The following IQGAP2 variants were observed in gnomAD, a reference collection of about 807,000 sequenced individuals.
IQGAP2 encodes the protein ras GTPase-activating-like protein IQGAP2.
IQGAP2 carries 173 observed loss-of-function variants against 201.3 expected under a neutral mutation model. The observed-to-expected ratio is 0.86, with a 90% CI of 0.76 to 0.98. The LOEUF (loss-of-function observed/expected upper bound fraction) is 0.98. Among genes scored for constraint, IQGAP2 ranks in the 50% least tolerant of loss-of-function variants. IQGAP2 has a pLI of 0.00. For missense variants in IQGAP2, 1,687 were observed against 1,864.8 expected (o/e 0.90, Z 1.76); for synonymous variants, 675 against 673.9 (o/e 1.00, Z -0.03).
chr5:76,476,639 T>C (rs1256488682), intron 2 of IQGAP2, among the ~76,000 whole-genome samples: 1 of 152,094 alleles, frequency 6.6e-6, no homozygotes, highest in African/African-American at 2.4e-5. Flanking sequence ...CAGATGACTT[T>C]ATATGAGTTC....
At chr5:76,566,905 T>C (rs964363470) in intron 3 of IQGAP2, among the ~76,000 whole-genome samples, 1 of 151,796 alleles carries the variant, frequency 6.6e-6, no homozygotes, top group Non-Finnish European at 1.5e-5. Flanking sequence ...GTTTCCATGG[T>C]GGGGACTTGA....
chr5:76,435,492 T>C (rs970206680), intron 1 of IQGAP2, among the ~76,000 whole-genome samples: 2 of 152,306 alleles, frequency 1.3e-5, no homozygotes, highest in Middle Eastern at 6.8e-3. Flanking sequence ...TTGTCAAAGA[T>C]CACTTGGTTG....
chr5:76,583,300 G>C (rs1015054750), intron 5 of IQGAP2, among the ~76,000 whole-genome samples: 1 of 151,998 alleles, frequency 6.6e-6, no homozygotes, highest in Non-Finnish European at 1.5e-5. Context: ...GGGAATACTG[G>C]GTAAACACAG....
rs574513448 is a variant in IQGAP2 at position 76,532,254 on chromosome 5, C to G, written c.147-30142C>G. ...AGGCATGCTGGCGCATGTCTATAGT[C>G]CCAGATACTCAAGAGGCTGAATTGC... On this transcript the variant is annotated intron_variant, in intron 2 of 35. Coordinates refer to ENST00000274364, the MANE Select transcript of IQGAP2 (RefSeq NM_006633.5). Among the ~76,000 whole-genome samples the G allele has an allele frequency of 2.6e-5, 4 of 152,188 alleles. No homozygotes were observed. The South Asian group carries it at 8.3e-4, about 32-fold the overall frequency.
intron 1 of IQGAP2, among the ~76,000 whole-genome samples, chr5:76,435,507 T>G (rs1172612155): frequency 6.6e-6 from 1 of 152,230 alleles, no homozygotes; most frequent in East Asian, 1.9e-4. Flanking sequence ...TGGTTGAATT[T>G]GGCTTTGAGT....
chr5:76,543,360 G>A (rs1742899004), intron 2 of IQGAP2, among the ~76,000 whole-genome samples: 2 of 152,174 alleles, frequency 1.3e-5, no homozygotes, highest in African/African-American at 2.4e-5. Flanking sequence ...TTCATTAAAG[G>A]TGAAGCATTT....
intron 2 of IQGAP2, among the ~76,000 whole-genome samples, chr5:76,540,182 A>G (rs953970166): frequency 6.6e-6 from 1 of 152,222 alleles, no homozygotes; most frequent in Non-Finnish European, 1.5e-5. Flanking sequence ...CTTCCTCTTC[A>G]TATTCACCTA....
intron 21 of IQGAP2, among the ~76,000 whole-genome samples, chr5:76,659,505 G>A (rs1395099460): frequency 6.6e-6 from 1 of 152,166 alleles, no homozygotes; most frequent in African/African-American, 2.4e-5. Context: ...TTAGCCAAGT[G>A]TAGTCTCCAC....
chr5:76,414,134 A>G (rs1180057468), intron 1 of IQGAP2, among the ~76,000 whole-genome samples: 3 of 152,216 alleles, frequency 2.0e-5, no homozygotes, highest in African/African-American at 7.2e-5. Flanking sequence ...TTCATAGAAG[A>G]TGTTTGCTAG....
chr5:76,468,650 C>G (rs1193372731), intron 2 of IQGAP2, among the ~76,000 whole-genome samples: 2 of 152,192 alleles, frequency 1.3e-5, no homozygotes, highest in African/African-American at 4.8e-5. Context: ...TAAATCTTTT[C>G]AAAACTCTGA....
intron 1 of IQGAP2, among the ~76,000 whole-genome samples, chr5:76,421,232 C>T (rs1018848974): frequency 6.6e-6 from 1 of 152,072 alleles, no homozygotes; most frequent in Non-Finnish European, 1.5e-5. Context: ...GAATGCCAGC[C>T]TTTAGGCTCC....
chr5:76,658,913 A>C (rs1411433718), intron 21 of IQGAP2, among the ~76,000 whole-genome samples: 2 of 152,158 alleles, frequency 1.3e-5, no homozygotes, highest in African/African-American at 4.8e-5. Flanking sequence ...TGTACTGAAT[A>C]CTGCAGGCAA....
At chr5:76,641,577 C>A (rs1034316549) in intron 17 of IQGAP2, among the ~76,000 whole-genome samples, 1 of 152,154 alleles carries the variant, frequency 6.6e-6, no homozygotes, top group Non-Finnish European at 1.5e-5. Flanking sequence ...TTCATTTAGG[C>A]CTTCAGGAGA....
chr5:76,600,820 G>A lies in IQGAP2; in HGVS notation c.1080G>A (p.Leu360=). The stretch of plus-strand genomic sequence containing the variant: ...CATATGTTTTCCAACAGAACTACTT[G>A]GCCCACGAGGAGCTTTTGATTGCTG... The part of the protein sequence containing the change: ...NLQKQNTMNY[L]AHEELLIAVE... The change falls in exon 11 of 36, where the codon TTG becomes TTA. Residue 360 remains leucine (L), a synonymous_variant. Coordinates refer to ENST00000274364, the MANE Select transcript of IQGAP2 (RefSeq NM_006633.5). The A allele has an allele frequency of 6.2e-7, 1 of 1,614,060 alleles. No individual in the cohort carries two copies. Among genetic ancestry groups the A allele is most frequent in the Non-Finnish European group, 8.5e-7 (1 of 1,179,962 alleles).
chr5:76,536,908 T>C (rs1406261963), intron 2 of IQGAP2, among the ~76,000 whole-genome samples: 3 of 152,180 alleles, frequency 2.0e-5, no homozygotes, highest in Non-Finnish European at 4.4e-5. Flanking sequence ...ACTCTGAAAA[T>C]TGAAGACATA....
At chr5:76,431,786 G>A (rs1752381092) in intron 1 of IQGAP2, among the ~76,000 whole-genome samples, 1 of 146,322 alleles carries the variant, frequency 6.8e-6, no homozygotes, top group African/African-American at 2.6e-5. Flanking sequence ...TCGCACCACT[G>A]CACTCCAGCC....
intron 4 of IQGAP2, among the ~76,000 whole-genome samples, chr5:76,573,079 G>C (rs7735089): frequency 0.31 from 46,581 of 152,020 alleles, 7,274 homozygotes; most frequent in South Asian, 0.51. Flanking sequence ...CATATTTCTG[G>C]ATTGTGATTT....
chr5:76,580,356 C>G (rs1168650813), intron 5 of IQGAP2, among the ~76,000 whole-genome samples: 8 of 152,072 alleles, frequency 5.3e-5, no homozygotes, highest in Middle Eastern at 3.2e-3. Flanking sequence ...GAGAATAGAC[C>G]CAGGAGGCGG....
intron 35 of IQGAP2, among the ~76,000 whole-genome samples, chr5:76,704,696 G>T (rs1270662516): frequency 1.3e-5 from 2 of 152,186 alleles, no homozygotes; most frequent in Non-Finnish European, 2.9e-5. Context: ...CTGGGCATGG[G>T]ACCCTGTGCG....
Sources: gnomAD v4.1 joint callset for allele counts (sites outside exome capture counted in the v4.1 genomes callset) on GRCh38, gnomAD v4.1.1 for gene constraint, MANE v1.5 for transcripts, NCBI Gene and HGNC (gene_info 2026-07-23, HGNC 2026-07-21) for gene names.